The following PTPRZ1 variants were observed in gnomAD, a reference collection of about 807,000 sequenced individuals.
PTPRZ1 encodes the protein receptor-type tyrosine-protein phosphatase zeta.
PTPRZ1 carries 82 observed loss-of-function variants against 214.1 expected under a neutral mutation model. That is an observed-to-expected ratio of 0.38 (90% CI 0.32 to 0.46). PTPRZ1 has a LOEUF of 0.46. PTPRZ1 is among the 20% of genes least tolerant of loss of function. The pLI, the probability that PTPRZ1 is intolerant of heterozygous loss-of-function variation, is 1.00. For missense variants in PTPRZ1, 2,603 were observed against 2,748.7 expected (o/e 0.95, Z 1.19); for synonymous variants, 945 against 987.9 (o/e 0.96, Z 0.81).
At chr7:121,939,074 T>G (rs1209470351) in intron 2 of PTPRZ1, among the ~76,000 whole-genome samples, 1 of 152,256 alleles carries the variant, frequency 6.6e-6, no homozygotes, top group Non-Finnish European at 1.5e-5. Context: ...TAGTTGTTAC[T>G]TTATTTCCAG....
chr7:121,874,858 G>A (rs1390222179), intron 1 of PTPRZ1, among the ~76,000 whole-genome samples: 1 of 152,116 alleles, frequency 6.6e-6, no homozygotes, highest in Non-Finnish European at 1.5e-5. Context: ...GCTTTAAAAA[G>A]TACGTGGTCA....
intron 2 of PTPRZ1, among the ~76,000 whole-genome samples, chr7:121,939,896 G>A (rs557051468): frequency 1.3e-5 from 2 of 152,078 alleles, no homozygotes. Flanking sequence ...AGAGTTTCAG[G>A]GAAGGCTTAC....
At position 122,014,543 on chromosome 7, in the gene PTPRZ1, A is replaced by T. The variant is rs1168154477; in HGVS notation, c.4843+654A>T. On this transcript the variant is annotated intron_variant, in intron 12 of 29. Transcript: ENST00000393386. ...AAGCTCCGCCTCCCAGGTTCACGCCATTCTCCTGCCTCAGCCTCCCGAGTA... is the reference window on the plus strand; with the variant it reads ...AAGCTCCGCCTCCCAGGTTCACGCCTTTCTCCTGCCTCAGCCTCCCGAGTA... 2.0e-5 allele frequency among the ~76,000 whole-genome samples: 3 copies of T among 152,104 alleles called. No individual in the cohort carries two copies. The East Asian group carries it at 5.8e-4, about 29-fold the overall frequency.
At chr7:121,891,042 T>A (rs1393788704) in intron 1 of PTPRZ1, among the ~76,000 whole-genome samples, 6 of 152,250 alleles carry the variant, frequency 3.9e-5, no homozygotes, top group Admixed American at 3.9e-4. Context: ...CTGGCCTCAC[T>A]GTCCTCCTAG....
rs199520043 is a variant in PTPRZ1 at position 122,059,839 on chromosome 7, A to G, written c.6758A>G (p.Gln2253Arg). 3.6e-5 allele frequency: 58 copies of G among 1,613,704 alleles called. No individual in the cohort carries two copies. In the Middle Eastern group the frequency reaches 5.0e-4, roughly 14 times the overall value. ...LEKENSVDVY[Q>R]VAKMINLMRP... ...AAAGAAAATTCCGTGGATGTTTACC[A>G]GGTAGCCAAGATGATCAATCTGATG... The change falls in exon 29 of 30, where the codon CAG becomes CGG. Residue 2253 changes from glutamine to arginine, a missense_variant. Physicochemically the swap from Gln to Arg is conservative, Grantham distance 43. Around this residue, in one of 6 missense-constraint regions of PTPRZ1, gnomAD observed 165 missense variants for 151.4 expected, o/e 1.09. Coordinates refer to ENST00000393386, the MANE Select transcript of PTPRZ1 (RefSeq NM_002851.3).
intron 1 of PTPRZ1, chr7:121,908,554 A>G (rs1484208371): frequency 5.9e-6 from 2 of 339,656 alleles, no homozygotes; most frequent in East Asian, 1.6e-4. Flanking sequence ...CCAGTCTTAC[A>G]GGTCCTCTCC....
chr7:122,045,722 C>T (rs913730216), intron 23 of PTPRZ1, among the ~76,000 whole-genome samples: 34 of 126,644 alleles, frequency 2.7e-4, no homozygotes, highest in Non-Finnish European at 2.8e-4. Context: ...ACAATATTAC[C>T]CATTTCAAAA....
At chr7:122,026,953 T>C (rs776392647) in intron 13 of PTPRZ1, among the ~76,000 whole-genome samples, 2 of 152,146 alleles carry the variant, frequency 1.3e-5, no homozygotes, top group African/African-American at 2.4e-5. Flanking sequence ...AACACTGCAA[T>C]GATTGAGACA....
chr7:122,028,649 G>A lies in PTPRZ1; in HGVS notation c.5080+6G>A, dbSNP rs573640920. The A allele has an allele frequency of 1.4e-5, 22 of 1,519,190 alleles. No homozygotes were observed. The highest frequency in any genetic ancestry group is 5.0e-5 in the Admixed American group (3 of 59,694). The allele number at this position is 1,519,190 out of a possible 1,614,324, so 94.1% of individuals were successfully genotyped here. ...ACCTATCTTTCCAATTTCAGGTAAT[G>A]GCTTAAAGTGTGACCATGAGTAGCT... On this transcript the variant is annotated splice_donor_region_variant and intron_variant, in intron 14 of 29. Transcript: ENST00000393386.
intron 1 of PTPRZ1, among the ~76,000 whole-genome samples, chr7:121,922,915 T>TATA (rs1157780460): frequency 2.3e-4 from 35 of 152,196 alleles, no homozygotes; most frequent in Admixed American, 2.0e-4. Context: ...TTCCTCAAAA[T>TATA]ATATGCAACA....
intron 14 of PTPRZ1, among the ~76,000 whole-genome samples, chr7:122,029,835 T>C (rs974863886): frequency 6.6e-6 from 1 of 151,860 alleles, no homozygotes; most frequent in Non-Finnish European, 1.5e-5. Flanking sequence ...GTGTTTGCTA[T>C]TTTTCCTCTT....
At chr7:121,899,283 T>C (rs994572531) in intron 1 of PTPRZ1, among the ~76,000 whole-genome samples, 1 of 152,298 alleles carries the variant, frequency 6.6e-6, no homozygotes, top group African/African-American at 2.4e-5. Context: ...TTTTCATTCA[T>C]GACTCACAAC....
intron 10 of PTPRZ1, among the ~76,000 whole-genome samples, chr7:122,001,282 G>A (rs1421438808): frequency 6.6e-6 from 1 of 151,996 alleles, no homozygotes; most frequent in African/African-American, 2.4e-5. Context: ...AGACTTCTTA[G>A]TTACATTTAT....
chr7:121,965,766 T>G (rs1398760211), intron 2 of PTPRZ1, among the ~76,000 whole-genome samples: 1 of 152,164 alleles, frequency 6.6e-6, no homozygotes, highest in Non-Finnish European at 1.5e-5. Flanking sequence ...ACATAGGTGG[T>G]ACTACTACAG....
intron 2 of PTPRZ1, among the ~76,000 whole-genome samples, chr7:121,956,388 A>T (rs1282463205): frequency 6.6e-6 from 1 of 152,234 alleles, no homozygotes; most frequent in Non-Finnish European, 1.5e-5. Flanking sequence ...CTAATGGACT[A>T]CCAAAAATCA....
intron 13 of PTPRZ1, among the ~76,000 whole-genome samples, chr7:122,025,333 T>C (rs892470893): frequency 2.3e-4 from 34 of 148,716 alleles, no homozygotes; most frequent in African/African-American, 8.3e-4. Context: ...TTTTTTTCTT[T>C]TTTTTTTTTT....
chr7:122,011,161 T>C lies in PTPRZ1; in HGVS notation c.2115T>C (p.Val705=), dbSNP rs772402844. ...AGPVMSQGPS[V]TDLEMPHYST... ...CAGTGATGTCACAGGGTCCCTCAGT[T>C]ACAGATCTGGAAATGCCACATTATT... Residue 705 remains valine, a synonymous_variant, in exon 12 of 30, where the codon GTT becomes GTC. Coordinates refer to ENST00000393386, the MANE Select transcript of PTPRZ1 (RefSeq NM_002851.3). 6 of 1,614,010 alleles carry C rather than the reference T, an allele frequency of 3.7e-6. No homozygotes were observed. The East Asian group carries it at 1.1e-4, about 30-fold the overall frequency.
At chr7:121,952,625 C>G (rs894624354) in intron 2 of PTPRZ1, among the ~76,000 whole-genome samples, 1 of 152,156 alleles carries the variant, frequency 6.6e-6, no homozygotes, top group African/African-American at 2.4e-5. Context: ...TTTGAAGAAT[C>G]AATTTATTAA....
chr7:121,970,564 A>AT (rs1394231543), intron 3 of PTPRZ1, among the ~76,000 whole-genome samples: 2 of 152,032 alleles, frequency 1.3e-5, no homozygotes, highest in African/African-American at 4.8e-5. Flanking sequence ...GATGGTGAGC[A>AT]TTTTTTCATG....
Sources: allele counts gnomAD v4.1 joint callset (sites outside exome capture counted in the v4.1 genomes callset), GRCh38; gene constraint gnomAD v4.1.1; regional missense constraint gnomAD v4.1.1; transcripts MANE v1.5; gene names NCBI Gene and HGNC (gene_info 2026-07-23, HGNC 2026-07-21).